The following NUDCD1 variants were observed in gnomAD, a reference collection of about 807,000 sequenced individuals.
The protein encoded by NUDCD1 is NudC domain containing 1, also known as nudC domain-containing protein 1.
In NUDCD1, 60 loss-of-function variants were observed where a neutral mutation model predicts 67.8. That is an observed-to-expected ratio of 0.88 (90% CI 0.72 to 1.10). The LOEUF (loss-of-function observed/expected upper bound fraction) is 1.10. Ranked by LOEUF, NUDCD1 falls within the 50% of genes least tolerant of loss-of-function variation. The pLI, the probability that NUDCD1 is intolerant of heterozygous loss-of-function variation, is 0.00. For synonymous variants in NUDCD1, 244 were observed against 230.8 expected, an observed-to-expected ratio of 1.06 and a Z score of -0.52; for missense variants, 643 against 695.0, an observed-to-expected ratio of 0.93 and a Z score of 0.84.
At chr8:109,307,872 C>T (rs1433638699) in intron 2 of NUDCD1, among the ~76,000 whole-genome samples, 1 of 152,096 alleles carries the variant, frequency 6.6e-6, no homozygotes, top group Non-Finnish European at 1.5e-5. Flanking sequence ...TTAAAAAAGG[C>T]AAAGAGGGAC....
chr8:109,311,572 T>TATATATATATATATATATATATA (rs1554617143), intron 2 of NUDCD1, among the ~76,000 whole-genome samples: 5 of 145,380 alleles, frequency 3.4e-5, no homozygotes, highest in South Asian at 2.3e-4. Context: ...TATATATATA[T>TATATATATATATATATATATATA]GATGGGATAC....
At chr8:109,311,527 A>G (rs562813451) in intron 2 of NUDCD1, among the ~76,000 whole-genome samples, 27 of 145,636 alleles carry the variant, frequency 1.9e-4, no homozygotes, top group Admixed American at 8.7e-4. Flanking sequence ...CCAAATGCCC[A>G]TCAATCAATG....
chr8:109,307,408 G>A (rs551775300), intron 2 of NUDCD1, among the ~76,000 whole-genome samples: 1 of 152,280 alleles, frequency 6.6e-6, no homozygotes, highest in East Asian at 1.9e-4. Flanking sequence ...AAACAGCCTT[G>A]TGGCTCACAC....
chr8:109,247,290 C>T (rs2129861104), intron 8 of NUDCD1, among the ~76,000 whole-genome samples: 1 of 152,194 alleles, frequency 6.6e-6, no homozygotes, highest in African/African-American at 2.4e-5. Flanking sequence ...CAAGTTGAAA[C>T]AATATTTTCA....
intron 1 of NUDCD1, among the ~76,000 whole-genome samples, chr8:109,330,307 T>C (rs1012012182): frequency 2.0e-5 from 3 of 152,212 alleles, no homozygotes; most frequent in Admixed American, 6.5e-5. Context: ...ATAAGCCTCA[T>C]TGCATCAAGT....
intron 2 of NUDCD1, among the ~76,000 whole-genome samples, chr8:109,308,453 G>C (rs971264407): frequency 6.6e-6 from 1 of 151,926 alleles, no homozygotes; most frequent in African/African-American, 2.4e-5. Flanking sequence ...CCCAAAACCA[G>C]CAGAAGAAAG....
intron 2 of NUDCD1, among the ~76,000 whole-genome samples, chr8:109,308,543 G>C (rs950615963): frequency 4.1e-4 from 63 of 152,022 alleles, no homozygotes; most frequent in African/African-American, 1.3e-3. Flanking sequence ...ACAAAAAGTT[G>C]GTTCCTTGAA....
rs1813357929 is a variant in NUDCD1, at chr8:109,241,174, A to G, written c.*1835T>C. The stretch of plus-strand genomic sequence containing the variant: ...TTAACGTAGGTCAACATGCGACAAT[A>G]TTTAGGATTAATTATCCTGAGAGCT... On this transcript the variant is annotated 3_prime_UTR_variant, in exon 10 of 10. Coordinates refer to ENST00000239690, the MANE Select transcript of NUDCD1 (RefSeq NM_032869.4). The G allele has an allele frequency of 6.6e-6, 1 of 152,122 alleles. No individual in the cohort carries two copies. The highest frequency in any genetic ancestry group is 2.1e-4 in the South Asian group (1 of 4,830). 9.4% of individuals were successfully genotyped at this position (152,122 alleles called of 1,614,324 possible). A position where few individuals can be genotyped will look rare whatever the true frequency, so the allele number is the denominator to read the frequency against.
chr8:109,274,213 G>C (rs1264125749), intron 7 of NUDCD1, among the ~76,000 whole-genome samples: 1 of 152,142 alleles, frequency 6.6e-6, no homozygotes, highest in Non-Finnish European at 1.5e-5. Context: ...AGTAAGGCAA[G>C]TATGAATAAT....
At chr8:109,288,255 C>T (rs747624950) in intron 5 of NUDCD1, among the ~76,000 whole-genome samples, 13 of 152,116 alleles carry the variant, frequency 8.5e-5, no homozygotes, top group Non-Finnish European at 1.5e-4. Context: ...CATGATGTGT[C>T]CCACTTAGGC....
At chr8:109,331,222 C>T (rs1415481498) in intron 1 of NUDCD1, among the ~76,000 whole-genome samples, 1 of 152,136 alleles carries the variant, frequency 6.6e-6, no homozygotes, top group Non-Finnish European at 1.5e-5. Flanking sequence ...GTAATCCCAG[C>T]TACTCCAGAG....
intron 6 of NUDCD1, among the ~76,000 whole-genome samples, chr8:109,278,034 G>C (rs553725989): frequency 1.6e-4 from 25 of 152,218 alleles, no homozygotes; most frequent in African/African-American, 5.5e-4. Flanking sequence ...ATTTAGACTT[G>C]TATCAGACTC....
At chr8:109,303,642 T>C (rs1363164603) in intron 2 of NUDCD1, among the ~76,000 whole-genome samples, 1 of 142,372 alleles carries the variant, frequency 7.0e-6, no homozygotes, top group Non-Finnish European at 1.6e-5. Context: ...TGCCACCTTT[T>C]TCCCCAGTTA....
In NUDCD1 at chr8:109,297,830, T is replaced by C. The variant is rs1205101419; in HGVS notation, c.274-1261A>G. 2.0e-5 allele frequency among the ~76,000 whole-genome samples: 3 copies of C among 152,244 alleles called. No homozygotes were observed. The East Asian group carries it at 5.8e-4, about 29-fold the overall frequency. On this transcript the variant is annotated intron_variant, in intron 2 of 9. Transcript: ENST00000239690. The stretch of plus-strand genomic sequence containing the variant: ...AATTTAGAAGATAAACTTCCTCTCA[T>C]ATACCAAACTGCATTCAAATTCAAC...
chr8:109,275,252 T>C (rs1814254952), intron 7 of NUDCD1, 100 bp downstream of exon 7: 1 of 1,130,268 alleles, frequency 8.8e-7, no homozygotes, highest in Non-Finnish European at 1.3e-6. Flanking sequence ...GTATCTTTTA[T>C]ATTAGGAAAA....
chr8:109,332,139 C>CTCA (rs1815819710), intron 1 of NUDCD1, among the ~76,000 whole-genome samples: 1 of 152,112 alleles, frequency 6.6e-6, no homozygotes, highest in South Asian at 2.1e-4. Context: ...TTTCAAGGAA[C>CTCA]TCATAGTCTA....
At chr8:109,287,511 C>T (rs1814603170) in intron 5 of NUDCD1, among the ~76,000 whole-genome samples, 1 of 152,078 alleles carries the variant, frequency 6.6e-6, no homozygotes, top group Non-Finnish European at 1.5e-5. Context: ...AGCAAGTGGC[C>T]ATTATCCTAT....
intron 1 of NUDCD1, among the ~76,000 whole-genome samples, chr8:109,324,080 C>A (rs561216040): frequency 1.3e-5 from 2 of 151,720 alleles, no homozygotes; most frequent in Non-Finnish European, 2.9e-5. Flanking sequence ...ACAACAACAA[C>A]AAAAATACCT....
At chr8:109,261,377 T>C (rs1813860578) in intron 8 of NUDCD1, among the ~76,000 whole-genome samples, 1 of 152,102 alleles carries the variant, frequency 6.6e-6, no homozygotes, top group Non-Finnish European at 1.5e-5. Context: ...ATATACATGA[T>C]GAAAACTATG....
Sources: gnomAD v4.1 joint callset for allele counts (sites outside exome capture counted in the v4.1 genomes callset) on GRCh38, gnomAD v4.1.1 for gene constraint, MANE v1.5 for transcripts, NCBI Gene and HGNC (gene_info 2026-07-23, HGNC 2026-07-21) for gene names.